RXRA: variants seen among roughly 807,000 people sequenced by gnomAD.
The protein encoded by RXRA is retinoid X receptor alpha, also known as retinoic acid receptor RXR-alpha.
A neutral mutation model predicts 44.5 loss-of-function variants in RXRA; 5 were observed. The ratio of observed to expected loss-of-function variants is 0.11; its 90% CI spans 0.06 to 0.24. The LOEUF (loss-of-function observed/expected upper bound fraction) is 0.24, where lower values mean the gene tolerates loss of function less well. Ranked by LOEUF, RXRA falls within the 10% of genes least tolerant of loss-of-function variation. RXRA has a pLI of 1.00. For missense variants in RXRA, 412 were observed against 646.5 expected (o/e 0.64, Z 3.93); for synonymous variants, 291 against 271.4 (o/e 1.07, Z -0.71).
intron 3 of RXRA, 91 bp from the exon 4 acceptor site, chr9:134,408,849 C>T: frequency 7.7e-7 from 1 of 1,290,538 alleles, no homozygotes; most frequent in Admixed American, 2.8e-5. Flanking sequence ...GAGGCCTGGC[C>T]CGCCAGCTGG....
At chr9:134,434,501 C>T (rs1831583623) in intron 9 of RXRA, among the ~76,000 whole-genome samples, 2 of 152,184 alleles carry the variant, frequency 1.3e-5, no homozygotes, top group Admixed American at 6.5e-5. Flanking sequence ...CCCCCCACTG[C>T]GCTCCCCTAC....
At chr9:134,436,344 C>G (rs1831620135) in intron 9 of RXRA, 123 bp from the exon 10 acceptor site, 2 of 980,174 alleles carry the variant, frequency 2.0e-6, no homozygotes, top group Admixed American at 2.2e-5. Flanking sequence ...AGATTCAGGG[C>G]TACAGACCAG....
rs372411157 is a variant in RXRA, at chr9:134,407,716, G to A, written c.280-433G>A. Among the ~76,000 whole-genome samples, 73 of 152,202 alleles carry A rather than the reference G, an allele frequency of 4.8e-4. No individual in the cohort carries two copies. The East Asian group carries it at 5.4e-3, about 11-fold the overall frequency. On this transcript the variant is annotated intron_variant, in intron 2 of 9. Coordinates refer to ENST00000481739, the MANE Select transcript of RXRA (RefSeq NM_002957.6). This position sits in a 1 kb window ranked among gnomAD's most constrained non-coding sequence, Gnocchi z 4.8. ...TCCGTCCTGGGAACTGGGCTTCGGC[G>A]TCCTCATGTGTGGGTTGGGACCCCC...
At chr9:134,329,997 G>GT (rs1554746462) in intron 1 of RXRA, among the ~76,000 whole-genome samples, 4 of 152,224 alleles carry the variant, frequency 2.6e-5, no homozygotes, top group Non-Finnish European at 4.4e-5. Context: ...AAGGTGGTGT[G>GT]GGGGCGGGGT....
At chr9:134,412,737 A>T (rs1831169880) in intron 4 of RXRA, among the ~76,000 whole-genome samples, 1 of 152,154 alleles carries the variant, frequency 6.6e-6, no homozygotes, top group Admixed American at 6.5e-5. Flanking sequence ...CCGCAGGGAC[A>T]CGTGCTCTGA....
chr9:134,418,429 G>A (rs957561836), intron 5 of RXRA, among the ~76,000 whole-genome samples: 13 of 152,126 alleles, frequency 8.5e-5, no homozygotes, highest in Non-Finnish European at 1.8e-4. Context: ...TGTGGCCACC[G>A]AAGACCTTAT....
rs918640100 is a variant in RXRA at position 134,368,572 on chromosome 9, A to T, written c.29-33060A>T. ...GTGTGTGACTGTGTATTTTGTATGT[A>T]TAGGTATGTGTGACTGTAGGTGACT... On this transcript the variant is annotated intron_variant, in intron 1 of 9. Coordinates refer to ENST00000481739, the MANE Select transcript of RXRA (RefSeq NM_002957.6). Among the ~76,000 whole-genome samples, 7 of 151,554 alleles carry T rather than the reference A, an allele frequency of 4.6e-5. 1 individual carries two copies. Among genetic ancestry groups the T allele is most frequent in the Admixed American group, 1.3e-4 (2 of 15,240 alleles).
At chr9:134,346,262 C>G (rs952098537) in intron 1 of RXRA, among the ~76,000 whole-genome samples, 2 of 152,204 alleles carry the variant, frequency 1.3e-5, no homozygotes, top group Non-Finnish European at 2.9e-5. Flanking sequence ...CCTGCCCTCC[C>G]TGCCCTCCCG....
At chr9:134,326,987 A>AGCGGG in intron 1 of RXRA, among the ~76,000 whole-genome samples, 1 of 151,422 alleles carries the variant, frequency 6.6e-6, no homozygotes, top group Non-Finnish European at 1.5e-5. Flanking sequence ...GCCGCACAGG[A>AGCGGG]ACCCGGCCGG....
chr9:134,331,456 C>T (rs1835004444), intron 1 of RXRA, among the ~76,000 whole-genome samples: 1 of 152,224 alleles, frequency 6.6e-6, no homozygotes, highest in Non-Finnish European at 1.5e-5. Flanking sequence ...GAGTCACAGG[C>T]TCTCACCTGG....
At chr9:134,400,878 A>G (rs1469313787) in intron 1 of RXRA, among the ~76,000 whole-genome samples, 1 of 152,108 alleles carries the variant, frequency 6.6e-6, no homozygotes, top group African/African-American at 2.4e-5. Flanking sequence ...CATTCCACCC[A>G]TCTGGTCCCC....
chr9:134,364,148 C>T (rs1223151677), intron 1 of RXRA, among the ~76,000 whole-genome samples: 1 of 152,202 alleles, frequency 6.6e-6, no homozygotes, highest in Non-Finnish European at 1.5e-5. Flanking sequence ...TCTTTTCCCC[C>T]CAAATCTCCA....
chr9:134,426,895 T>C lies in RXRA; in HGVS notation c.911-2213T>C. ...GGAAGTCTGTCCACACTGGGCCTGG[T>C]GTGGGAAGGGAGGGAGAGCCCTTTC... On this transcript the variant is annotated intron_variant, in intron 6 of 9. Transcript: ENST00000481739. This position sits in a 1 kb window ranked among gnomAD's most constrained non-coding sequence, Gnocchi z 4.6. 1.0e-6 allele frequency: 1 copy of C among 985,298 alleles called. No individual in the cohort carries two copies. The highest frequency in any genetic ancestry group is 1.2e-6 in the Non-Finnish European group (1 of 829,890). The allele number at this position is 985,298 out of a possible 1,614,324, so 61.0% of individuals were successfully genotyped here. A position where few individuals can be genotyped will look rare whatever the true frequency, so the allele number is the denominator to read the frequency against.
At chr9:134,430,334 G>A (rs780148908) in intron 7 of RXRA, among the ~76,000 whole-genome samples, 1 of 152,222 alleles carries the variant, frequency 6.6e-6, no homozygotes, top group Non-Finnish European at 1.5e-5. Flanking sequence ...CACAGGAGCC[G>A]TGGGTGGGGA....
At chr9:134,422,782 C>A (rs968108442) in intron 6 of RXRA, 2 of 985,352 alleles carry the variant, frequency 2.0e-6, no homozygotes, top group Middle Eastern at 5.2e-4. Context: ...GTGTACCATG[C>A]GGGGTCTCTC....
In RXRA at chr9:134,417,435, G is replaced by C; in HGVS notation, c.780+108G>C. On this transcript the variant is annotated intron_variant, in intron 5 of 9. Coordinates refer to ENST00000481739, the MANE Select transcript of RXRA (RefSeq NM_002957.6). This position sits in a 1 kb window ranked among gnomAD's most constrained non-coding sequence, Gnocchi z 6.1. ...ATGAGCCAGAGAGGTCCTGGGGGCT[G>C]CCCTGGGCCCTGTGGCTGCCTCAGC... The C allele has an allele frequency of 3.8e-6, 5 of 1,303,430 alleles. No individual in the cohort carries two copies. Among genetic ancestry groups the C allele is most frequent in the Non-Finnish European group, 5.2e-6 (5 of 953,080 alleles). 80.7% of individuals were successfully genotyped at this position (1,303,430 alleles called of 1,614,324 possible).
rs760095751 is a variant in RXRA at position 134,429,181 on chromosome 9, C to G, written c.984C>G (p.Thr328=). 6.2e-7 allele frequency: 1 copy of G among 1,612,922 alleles called. No individual in the cohort carries two copies. The highest frequency in any genetic ancestry group is 1.3e-5 in the African/African-American group (1 of 74,948). The change falls in exon 7 of 10, where the codon ACC becomes ACG. Residue 328 remains threonine (T), a synonymous_variant. Transcript: ENST00000481739. ...IAVKDGILLA[T]GLHVHRNSAH... ...TGAAGGACGGGATCCTCCTGGCCAC[C>G]GGGCTGCACGTCCACCGGAACAGCG... is the stretch of plus-strand genomic sequence containing the variant.
At chr9:134,336,524 T>C (rs11185649) in intron 1 of RXRA, among the ~76,000 whole-genome samples, 57,602 of 152,178 alleles carry the variant, frequency 0.38, 12,135 homozygotes, top group African/African-American at 0.57. Flanking sequence ...AGTCCACGGC[T>C]GGAAGTGTGC....
Position 134,349,004 on chromosome 9 carries a change from C to T in RXRA, c.28+22345C>T, listed in dbSNP as rs1417811684. ...TGAGACTCGGGAGGGGCTGGCATAT[C>T]CGAGACCCAGTTCTGTCACTTGCAG... On this transcript the variant is annotated intron_variant, in intron 1 of 9. Transcript: ENST00000481739. The surrounding 1 kb of genome is among the most constrained non-coding windows in gnomAD (Gnocchi z 4.3). Among the ~76,000 whole-genome samples, 1 of 152,198 alleles carries T rather than the reference C, an allele frequency of 6.6e-6. No individual in the cohort carries two copies.
Sources: allele counts gnomAD v4.1 joint callset (sites outside exome capture counted in the v4.1 genomes callset), GRCh38; gene constraint gnomAD v4.1.1; non-coding constraint Gnocchi (gnomAD v3.1); transcripts MANE v1.5; gene names NCBI Gene and HGNC (gene_info 2026-07-23, HGNC 2026-07-21).